The following PCTP variants were observed in gnomAD, a reference collection of about 807,000 sequenced individuals.
PCTP encodes the protein START domain-containing protein 2.
A neutral mutation model predicts 31.0 loss-of-function variants in PCTP; 27 were observed. The observed-to-expected ratio is 0.87, with a 90% CI of 0.64 to 1.20. The LOEUF is 1.20. PCTP is among the 50% of genes most tolerant of loss of function. PCTP has a pLI of 0.00. For synonymous variants in PCTP, 108 were observed against 101.2 expected (o/e 1.07, Z -0.40); for missense variants, 287 against 268.2 (o/e 1.07, Z -0.49).
At chr17:55,752,936 C>G (rs959199588) in intron 1 of PCTP, among the ~76,000 whole-genome samples, 1 of 152,082 alleles carries the variant, frequency 6.6e-6, no homozygotes, top group Non-Finnish European at 1.5e-5. Flanking sequence ...AGAGATGAGG[C>G]CTTGCTATGT....
At chr17:55,759,079 A>G (rs966587430) in intron 1 of PCTP, among the ~76,000 whole-genome samples, 1 of 152,186 alleles carries the variant, frequency 6.6e-6, no homozygotes, top group African/African-American at 2.4e-5. Context: ...ATAATACCAT[A>G]CCAACATCTG....
chr17:55,822,614 C>A (rs186591912), intron 3 of PCTP: 83 of 396,754 alleles, frequency 2.1e-4, no homozygotes, highest in African/African-American at 1.6e-3. Flanking sequence ...CTCTTTCATT[C>A]TATTCCTCGT....
downstream of PCTP, among the ~76,000 whole-genome samples, chr17:55,782,189 G>A (rs534936620): frequency 7.9e-5 from 12 of 152,294 alleles, no homozygotes; most frequent in South Asian, 1.7e-3. Context: ...CTTTTTGTTC[G>A]ATTCAGGCTT....
At chr17:55,802,823 C>T (rs1429560381) in intron 3 of PCTP, among the ~76,000 whole-genome samples, 1 of 152,166 alleles carries the variant, frequency 6.6e-6, no homozygotes, top group Admixed American at 6.5e-5. Flanking sequence ...AGGATGCCCT[C>T]TCTCACCACT....
rs548252826 is a variant in PCTP, at chr17:55,777,066, T to G, written c.*966T>G. Reference sequence around the variant, plus strand: ...AATTTAACTGGTGGCTTAATGACTCTGCACCTTTTTCTCAGGAATTCTGCC... The same window carrying G: ...AATTTAACTGGTGGCTTAATGACTCGGCACCTTTTTCTCAGGAATTCTGCC... On this transcript the variant is annotated 3_prime_UTR_variant, in exon 6 of 6. Transcript: ENST00000268896. The G allele has an allele frequency of 5.1e-6, 5 of 985,876 alleles. No homozygotes were observed. The highest frequency in any genetic ancestry group is 9.4e-5 in the South Asian group (2 of 21,290). The allele number at this position is 985,876 out of a possible 1,614,324, so 61.1% of individuals were successfully genotyped here.
intron 3 of PCTP, among the ~76,000 whole-genome samples, chr17:55,790,788 G>T (rs935561112): frequency 3.4e-5 from 5 of 149,164 alleles, no homozygotes; most frequent in Non-Finnish European, 5.9e-5. Context: ...TTTCTTCACA[G>T]AATTGGAAAA....
In PCTP at chr17:55,776,473, G is replaced by A. The variant is rs1308175070; in HGVS notation, c.*373G>A. On this transcript the variant is annotated 3_prime_UTR_variant, in exon 6 of 6. Coordinates refer to ENST00000268896, the MANE Select transcript of PCTP (RefSeq NM_021213.4). ...ATTGTGCAATTTTACGGGGATGGGT[G>A]GGCGGAGGGACACAACAAAATTTAA... 5.7e-6 allele frequency: 7 copies of A among 1,232,152 alleles called. No individual in the cohort carries two copies. In the East Asian group the frequency reaches 1.6e-4, roughly 28 times the overall value. The allele number at this position is 1,232,152 out of a possible 1,614,324, so 76.3% of individuals were successfully genotyped here. A position where few individuals can be genotyped will look rare whatever the true frequency, so the allele number is the denominator to read the frequency against.
chr17:55,781,029 AAT>A (rs1555567588), downstream of PCTP, among the ~76,000 whole-genome samples: 1 of 150,898 alleles, frequency 6.6e-6, no homozygotes, highest in African/African-American at 2.4e-5. Flanking sequence ...AAAAAAAAAA[AAT>A]AGCAGCTTTG....
intron 3 of PCTP, among the ~76,000 whole-genome samples, chr17:55,803,962 C>G (rs1912486909): frequency 6.7e-6 from 1 of 149,930 alleles, no homozygotes; most frequent in Admixed American, 6.6e-5. Context: ...TGCAATCTAC[C>G]CATCTGACAA....
intron 5 of PCTP, 58 bp from the exon 6 acceptor site, chr17:55,775,977 A>G (rs1195151881): frequency 4.4e-6 from 7 of 1,594,572 alleles, no homozygotes; most frequent in Non-Finnish European, 4.3e-6. Flanking sequence ...CCACATCCCA[A>G]AGAATCAAGA....
At chr17:55,753,102 T>G (rs1909799640) in intron 1 of PCTP, among the ~76,000 whole-genome samples, 2 of 152,216 alleles carry the variant, frequency 1.3e-5, no homozygotes, top group Admixed American at 1.3e-4. Context: ...ACCAGCCACA[T>G]CAAGGCTTTG....
chr17:55,787,204 T>C, intron 2 of PCTP, among the ~76,000 whole-genome samples: 1 of 151,516 alleles, frequency 6.6e-6, no homozygotes, highest in Non-Finnish European at 1.5e-5. Flanking sequence ...TTCTGCAATT[T>C]TATCTCATGC....
intron 5 of PCTP, among the ~76,000 whole-genome samples, chr17:55,839,645 G>A (rs113950898): frequency 6.6e-6 from 1 of 152,150 alleles, no homozygotes; most frequent in African/African-American, 2.4e-5. Context: ...AACTGGCCGG[G>A]CGCGGTGGCT....
chr17:55,793,484 T>C (rs12951978), intron 3 of PCTP, among the ~76,000 whole-genome samples: 21,584 of 152,138 alleles, frequency 0.14, 1,592 homozygotes, highest in Middle Eastern at 0.19. Flanking sequence ...TGATTCATCA[T>C]CTGAGGCTCA....
intron 5 of PCTP, among the ~76,000 whole-genome samples, chr17:55,841,691 A>G (rs558166945): frequency 6.6e-6 from 1 of 152,328 alleles, no homozygotes; most frequent in East Asian, 1.9e-4. Flanking sequence ...GAGCACAGAG[A>G]CTATCCTGCA....
In PCTP at chr17:55,776,236, C is replaced by T. The variant is rs1289711229; in HGVS notation, c.*136C>T. 5 of 1,460,196 alleles carry T rather than the reference C, an allele frequency of 3.4e-6. No individual in the cohort carries two copies. In the East Asian group the frequency reaches 1.0e-4, roughly 29 times the overall value. 90.5% of individuals were successfully genotyped at this position (1,460,196 alleles called of 1,614,324 possible). ...AGCACCCACCACTGTTCAGCCTTCC[C>T]CTGCTGTTTCTGTCTTCAGAGGCCT... On this transcript the variant is annotated 3_prime_UTR_variant, in exon 6 of 6. Transcript: ENST00000268896.
In PCTP at chr17:55,772,673, G is replaced by T. The variant is rs150864423; in HGVS notation, c.340-1051G>T. Among the ~76,000 whole-genome samples, 1,363 of 151,784 alleles carry T rather than the reference G, an allele frequency of 9.0e-3. 13 individuals are homozygous for T. Among genetic ancestry groups the T allele is most frequent in the Non-Finnish European group, 0.012 (835 of 67,952 alleles). ...ATTGTGTTGTGCGTAGTGACTTTTT[G>T]ATTATTTTAGGTTTTTGATTCCTTT... On this transcript the variant is annotated intron_variant, in intron 3 of 5. Transcript: ENST00000268896.
chr17:55,778,310 A>G (rs1484881223), downstream of PCTP, among the ~76,000 whole-genome samples: 1 of 151,588 alleles, frequency 6.6e-6, no homozygotes, highest in Admixed American at 6.6e-5. Context: ...AGCTGGATGT[A>G]TCACTTGGAA....
chr17:55,805,289 C>T (rs572988018), intron 3 of PCTP, among the ~76,000 whole-genome samples: 2 of 152,004 alleles, frequency 1.3e-5, no homozygotes, highest in African/African-American at 2.4e-5. Context: ...GAGGAATGGG[C>T]TTCTAATATA....
Sources: gnomAD v4.1 joint callset for allele counts (sites outside exome capture counted in the v4.1 genomes callset) on GRCh38, gnomAD v4.1.1 for gene constraint, MANE v1.5 for transcripts, NCBI Gene and HGNC (gene_info 2026-07-23, HGNC 2026-07-21) for gene names.